The following MTUS2 variants were observed in gnomAD, a reference collection of about 807,000 sequenced individuals.
The protein encoded by MTUS2 is microtubule associated scaffold protein 2, also known as microtubule-associated tumor suppressor candidate 2.
MTUS2 carries 40 observed loss-of-function variants against 114.1 expected under a neutral mutation model. The ratio of observed to expected loss-of-function variants is 0.35; its 90% CI spans 0.27 to 0.46. The LOEUF (loss-of-function observed/expected upper bound fraction) is 0.46, where lower values mean the gene tolerates loss of function less well. Among genes scored for constraint, MTUS2 ranks in the 20% least tolerant of loss-of-function variants. The pLI is 1.00. For missense variants in MTUS2, 1,679 were observed against 1,705.4 expected (o/e 0.98, Z 0.27); for synonymous variants, 688 against 672.0 (o/e 1.02, Z -0.37).
intron 5 of MTUS2, among the ~76,000 whole-genome samples, chr13:29,263,950 T>C (rs11147372): frequency 0.96 from 145,697 of 152,266 alleles, 70,019 homozygotes; most frequent in East Asian, 1. Context: ...GCACATAGTC[T>C]CCCAAATGTC....
At chr13:29,064,390 GTTTTTTTTTTTTTTT>G (rs59916653) in intron 4 of MTUS2, among the ~76,000 whole-genome samples, 86 of 107,974 alleles carry the variant, frequency 8.0e-4, no homozygotes, top group Non-Finnish European at 1.2e-3. Flanking sequence ...ACGTTTGGAG[GTTTTTTTTTTTTTTT>G]TTTTTTTTTG....
At chr13:29,267,505 C>T (rs1030130285) in intron 5 of MTUS2, among the ~76,000 whole-genome samples, 1 of 152,184 alleles carries the variant, frequency 6.6e-6, no homozygotes, top group East Asian at 1.9e-4. Flanking sequence ...CCTGTGTCCC[C>T]TACCTAGGGC....
intron 4 of MTUS2, among the ~76,000 whole-genome samples, chr13:29,057,862 T>C (rs1348699610): frequency 1.3e-5 from 2 of 152,178 alleles, no homozygotes; most frequent in African/African-American, 4.8e-5. Context: ...ATTATTATTA[T>C]GCAGAATTGA....
chr13:28,847,620 A>T (rs941410413), intron 2 of MTUS2, among the ~76,000 whole-genome samples: 1 of 152,060 alleles, frequency 6.6e-6, no homozygotes, highest in Non-Finnish European at 1.5e-5. Context: ...GGAAGGCCTC[A>T]TTTCCTTTCC....
At chr13:29,036,131 G>A (rs1400742104) in intron 4 of MTUS2, among the ~76,000 whole-genome samples, 6 of 129,106 alleles carry the variant, frequency 4.6e-5, no homozygotes, top group African/African-American at 1.8e-4. Flanking sequence ...GCCACAGAGT[G>A]AGACTGTCTC....
chr13:29,021,375 G>A (rs1701744243), intron 2 of MTUS2, among the ~76,000 whole-genome samples: 1 of 151,270 alleles, frequency 6.6e-6, no homozygotes, highest in Non-Finnish European at 1.5e-5. Context: ...TACTGACAAA[G>A]ATAAAGAACA....
chr13:29,276,916 A>ATAAG (rs1375551574), intron 5 of MTUS2, among the ~76,000 whole-genome samples: 1 of 152,114 alleles, frequency 6.6e-6, no homozygotes, highest in Non-Finnish European at 1.5e-5. Context: ...AAATAAATAA[A>ATAAG]TAAATGAATA....
intron 7 of MTUS2, among the ~76,000 whole-genome samples, chr13:29,350,984 T>TATATATATATATATATATATA (rs1353617126): frequency 1.5e-5 from 2 of 137,196 alleles, no homozygotes; most frequent in African/African-American, 2.7e-5. Flanking sequence ...TATATATATA[T>TATATATATATATATATATATA]CTTCAGAGGA....
In MTUS2 at chr13:28,823,637, C is replaced by A. The variant is rs552658104; in HGVS notation, c.-316+3026C>A. 9.2e-4 allele frequency among the ~76,000 whole-genome samples: 140 copies of A among 152,352 alleles called. 1 individual carries two copies. The South Asian group carries it at 0.028, about 30-fold the overall frequency. On this transcript the variant is annotated intron_variant, in intron 1 of 15. Transcript: ENST00000612955. ...CCTCAACCTTGGCCCGTAAGAACTG[C>A]AGCTTTCAACACAAACAATTTTGTC...
At chr13:29,467,490 G>A (rs1879970560) in intron 9 of MTUS2, among the ~76,000 whole-genome samples, 1 of 152,174 alleles carries the variant, frequency 6.6e-6, no homozygotes, top group South Asian at 2.1e-4. Context: ...ATGAACCGGT[G>A]CCGTGGAGAT....
chr13:28,983,562 T>G (rs1297457258), intron 2 of MTUS2, among the ~76,000 whole-genome samples: 1 of 152,238 alleles, frequency 6.6e-6, no homozygotes, highest in East Asian at 1.9e-4. Flanking sequence ...CTTGTTTGAT[T>G]TGAATTTTTT....
At chr13:28,894,290 GAGAGAGAGA>G (rs1879112222) in intron 2 of MTUS2, among the ~76,000 whole-genome samples, 1 of 6,836 alleles carries the variant, frequency 1.5e-4, no homozygotes, top group African/African-American at 6.8e-4. Flanking sequence ...GGGGGGGGGG[GAGAGAGAGA>G]GAGAGGGGGG....
intron 2 of MTUS2, among the ~76,000 whole-genome samples, chr13:29,001,067 A>G (rs2138382051): frequency 6.6e-6 from 1 of 152,244 alleles, no homozygotes; most frequent in South Asian, 2.1e-4. Context: ...CTTATCTCTC[A>G]TTCCCTCTCA....
intron 2 of MTUS2, among the ~76,000 whole-genome samples, chr13:28,868,738 A>G (rs1338925471): frequency 6.6e-6 from 1 of 152,236 alleles, no homozygotes; most frequent in Non-Finnish European, 1.5e-5. Flanking sequence ...TTTTAACTCC[A>G]GAAAAGCAAG....
At chr13:28,859,719 T>C (rs1452073695) in intron 2 of MTUS2, among the ~76,000 whole-genome samples, 1 of 149,996 alleles carries the variant, frequency 6.7e-6, no homozygotes, top group Non-Finnish European at 1.5e-5. Flanking sequence ...AGAAAGGCTG[T>C]GTTTATTTAA....
At chr13:29,350,600 G>C (rs1302091269) in intron 7 of MTUS2, among the ~76,000 whole-genome samples, 1 of 151,860 alleles carries the variant, frequency 6.6e-6, no homozygotes, top group African/African-American at 2.4e-5. Flanking sequence ...TCATGAGAGT[G>C]GTATCTCATG....
chr13:29,091,407 C>T (rs1889941669), intron 4 of MTUS2, among the ~76,000 whole-genome samples: 1 of 152,132 alleles, frequency 6.6e-6, no homozygotes. Flanking sequence ...GAGGTCTAGG[C>T]AACAGCAACT....
chr13:29,189,751 T>C (rs563547086), intron 5 of MTUS2, among the ~76,000 whole-genome samples: 5 of 152,336 alleles, frequency 3.3e-5, no homozygotes, highest in South Asian at 2.1e-4. Context: ...GTTACTCTTA[T>C]GGCCTCAAAG....
chr13:29,024,642 C>A lies in MTUS2; in HGVS notation c.-57C>A, dbSNP rs1421527012. On this transcript the variant is annotated 5_prime_UTR_variant, in exon 3 of 16. Coordinates refer to ENST00000612955, the MANE Select transcript of MTUS2 (RefSeq NM_001033602.4). ...TCTTAATCTGATTGCAGCTTGAAGG[C>A]AGCCCATTTCCATTAAGTAGGACTG... is the stretch of plus-strand genomic sequence containing the variant. 1 of 1,569,886 alleles carries A rather than the reference C, an allele frequency of 6.4e-7. No homozygotes were observed. The highest frequency in any genetic ancestry group is 8.6e-7 in the Non-Finnish European group (1 of 1,160,196).
Sources: allele counts gnomAD v4.1 joint callset (sites outside exome capture counted in the v4.1 genomes callset), GRCh38; gene constraint gnomAD v4.1.1; transcripts MANE v1.5; gene names NCBI Gene and HGNC (gene_info 2026-07-23, HGNC 2026-07-21).